The following NRXN3 variants were observed in gnomAD, a reference collection of about 807,000 sequenced individuals.
NRXN3 encodes the protein neurexin III.
Under a neutral mutation model 137.6 loss-of-function variants are expected in NRXN3, and 32 were observed. The observed-to-expected ratio is 0.23, with a 90% confidence interval of 0.18 to 0.31. The LOEUF is 0.31. Among genes scored for constraint, NRXN3 ranks in the 10% least tolerant of loss-of-function variants. NRXN3 has a pLI of 1.00. For missense variants in NRXN3, 1,574 were observed against 2,062.5 expected, an observed-to-expected ratio of 0.76 and a Z score of 4.59; for synonymous variants, 798 against 784.5, an observed-to-expected ratio of 1.02 and a Z score of -0.29.
intron 15 of NRXN3, among the ~76,000 whole-genome samples, chr14:79,154,009 G>A (rs779176369): frequency 2.0e-5 from 3 of 151,980 alleles, no homozygotes; most frequent in Non-Finnish European, 4.4e-5. Context: ...CCCAAAGAGC[G>A]AAGAGCATGG....
At chr14:79,820,954 C>T (rs1331986988) in intron 20 of NRXN3, among the ~76,000 whole-genome samples, 1 of 152,038 alleles carries the variant, frequency 6.6e-6, no homozygotes, top group African/African-American at 2.4e-5. Flanking sequence ...AGCAGGGCCC[C>T]CTGGTGTGGT....
chr14:78,631,752 T>A (rs1277658733), intron 4 of NRXN3, among the ~76,000 whole-genome samples: 2 of 152,160 alleles, frequency 1.3e-5, no homozygotes, highest in African/African-American at 2.4e-5. Context: ...TCTAGCTGTT[T>A]GGCTTTGGAT....
intron 8 of NRXN3, among the ~76,000 whole-genome samples, chr14:78,730,787 A>G (rs758343617): frequency 3.9e-5 from 6 of 152,228 alleles, no homozygotes; most frequent in Non-Finnish European, 7.3e-5. Flanking sequence ...TGAGGAATGC[A>G]GAAGAGTGCA....
intron 16 of NRXN3, among the ~76,000 whole-genome samples, chr14:79,624,564 C>T (rs943706819): frequency 1.3e-5 from 2 of 151,986 alleles, no homozygotes; most frequent in African/African-American, 4.8e-5. Flanking sequence ...AGCAAATTTC[C>T]ATGATACAAT....
At chr14:79,375,679 T>C (rs1404906621) in intron 15 of NRXN3, among the ~76,000 whole-genome samples, 1 of 152,118 alleles carries the variant, frequency 6.6e-6, no homozygotes, top group Non-Finnish European at 1.5e-5. Context: ...AGATTAGTTT[T>C]CACACAGCCC....
At chr14:78,927,444 A>G (rs1208865475) in intron 10 of NRXN3, among the ~76,000 whole-genome samples, 3 of 152,138 alleles carry the variant, frequency 2.0e-5, no homozygotes, top group African/African-American at 7.2e-5. Context: ...AGTGGCAACC[A>G]CAGTAGCCTC....
At chr14:79,576,053 G>A (rs556875287) in intron 16 of NRXN3, among the ~76,000 whole-genome samples, 1 of 152,122 alleles carries the variant, frequency 6.6e-6, no homozygotes, top group African/African-American at 2.4e-5. Flanking sequence ...GATTTCAAGG[G>A]GTGTGCAAAA....
At chr14:79,517,322 G>GT (rs1222131126) in intron 16 of NRXN3, among the ~76,000 whole-genome samples, 1 of 152,092 alleles carries the variant, frequency 6.6e-6, no homozygotes, top group East Asian at 1.9e-4. Context: ...TTTTGTAGTA[G>GT]TTTGCTGCTT....
intron 15 of NRXN3, among the ~76,000 whole-genome samples, chr14:79,320,263 G>A (rs370871270): frequency 3.9e-5 from 6 of 152,240 alleles, no homozygotes; most frequent in African/African-American, 9.6e-5. Context: ...AAATATCCAC[G>A]AATAAATACA....
chr14:78,918,454 C>T (rs1337078188), intron 10 of NRXN3, among the ~76,000 whole-genome samples: 1 of 152,010 alleles, frequency 6.6e-6, no homozygotes, highest in African/African-American at 2.4e-5. Context: ...GCAGAAGTAA[C>T]CATGACACGT....
chr14:79,565,738 T>G (rs17109451), intron 16 of NRXN3, among the ~76,000 whole-genome samples: 26,592 of 151,888 alleles, frequency 0.18, 3,563 homozygotes, highest in African/African-American at 0.37. Context: ...ATGTGTCTAT[T>G]TACAGGGAAT....
chr14:78,953,254 A>C (rs1259217502), intron 10 of NRXN3, among the ~76,000 whole-genome samples: 1 of 152,210 alleles, frequency 6.6e-6, no homozygotes, highest in Non-Finnish European at 1.5e-5. Flanking sequence ...GCTGAGTGTC[A>C]TCTTCCTCCA....
chr14:79,156,253 T>C (rs1003117501), intron 15 of NRXN3, among the ~76,000 whole-genome samples: 1 of 151,892 alleles, frequency 6.6e-6, no homozygotes, highest in African/African-American at 2.4e-5. Context: ...AGCAATTTCT[T>C]AGTTTGCTGT....
intron 15 of NRXN3, among the ~76,000 whole-genome samples, chr14:79,176,219 G>T (rs767167120): frequency 2.2e-4 from 34 of 152,156 alleles, no homozygotes; most frequent in Non-Finnish European, 4.9e-4. Flanking sequence ...CACTCCACTA[G>T]AATCTATCTC....
At chr14:78,963,685 T>C (rs2099412400) in intron 11 of NRXN3, among the ~76,000 whole-genome samples, 1 of 152,226 alleles carries the variant, frequency 6.6e-6, no homozygotes, top group African/African-American at 2.4e-5. Context: ...CCAACATCTT[T>C]TTTTCTTATA....
intron 15 of NRXN3, among the ~76,000 whole-genome samples, chr14:79,362,196 A>G (rs2093709187): frequency 6.6e-6 from 1 of 151,568 alleles, no homozygotes; most frequent in African/African-American, 2.4e-5. Context: ...CATGTGCACA[A>G]CGTGCAGGAT....
intron 15 of NRXN3, among the ~76,000 whole-genome samples, chr14:79,129,056 ATTC>A (rs963365973): frequency 2.4e-4 from 36 of 151,756 alleles, no homozygotes; most frequent in Admixed American, 6.6e-4. Flanking sequence ...CGTCTATTTG[ATTC>A]TTCTCTCTTT....
intron 10 of NRXN3, among the ~76,000 whole-genome samples, chr14:78,927,773 A>C (rs1030555672): frequency 2.6e-5 from 4 of 152,118 alleles, no homozygotes; most frequent in African/African-American, 9.7e-5. Flanking sequence ...ATGCAAACTT[A>C]AGCTTGCCAA....
chr14:79,492,367 G>T (rs926839970), intron 16 of NRXN3, among the ~76,000 whole-genome samples: 2 of 151,848 alleles, frequency 1.3e-5, no homozygotes, highest in Admixed American at 1.3e-4. Flanking sequence ...TAGTGCTAAC[G>T]TATCAATCTT....
Sources: allele counts gnomAD v4.1 joint callset (sites outside exome capture counted in the v4.1 genomes callset), GRCh38; gene constraint gnomAD v4.1.1; transcripts MANE v1.5; gene names NCBI Gene and HGNC (gene_info 2026-07-23, HGNC 2026-07-21).